Variants in ATOSA observed in about 807,000 individuals in gnomAD.
ATOSA encodes the protein atos homolog A, also known as atos homolog protein A.
At chr15:52,620,455 GCAAA>G in the ATOSA span, among the ~76,000 whole-genome samples, 2 of 152,136 alleles carry the variant, frequency 1.3e-5, no homozygotes, top group East Asian at 3.8e-4. Flanking sequence ...TAGGAAAAAA[GCAAA>G]CAAAGCAGGA....
At chr15:52,623,380 A>T in the ATOSA span, among the ~76,000 whole-genome samples, 1 of 152,130 alleles carries the variant, frequency 6.6e-6, no homozygotes, top group African/African-American at 2.4e-5. Context: ...TATACTAATT[A>T]GGAGGTTATT....
At chr15:52,643,064 C>T in the ATOSA span, among the ~76,000 whole-genome samples, 1 of 152,096 alleles carries the variant, frequency 6.6e-6, no homozygotes, top group African/African-American at 2.4e-5. Context: ...CACAAGATGC[C>T]CCACCCTCTG....
At chr15:52,596,675 A>T in the ATOSA span, among the ~76,000 whole-genome samples, 1 of 152,240 alleles carries the variant, frequency 6.6e-6, no homozygotes, top group South Asian at 2.1e-4. Flanking sequence ...GGTAGAGGCC[A>T]GAGATTCTGC....
At chr15:52,601,912 G>A in the ATOSA span, among the ~76,000 whole-genome samples, 1 of 152,154 alleles carries the variant, frequency 6.6e-6, no homozygotes, top group Non-Finnish European at 1.5e-5. Context: ...AGTTGTACAA[G>A]TGTACCATGT....
chr15:52,654,630 C>G, the ATOSA span, among the ~76,000 whole-genome samples: 1 of 152,124 alleles, frequency 6.6e-6, no homozygotes, highest in Non-Finnish European at 1.5e-5. Context: ...ATGGACAGTT[C>G]AGGAAACATA....
At chr15:52,621,994 G>A in the ATOSA span, among the ~76,000 whole-genome samples, 10 of 151,970 alleles carry the variant, frequency 6.6e-5, no homozygotes, top group South Asian at 8.3e-4. Flanking sequence ...TCACAGGTGC[G>A]CTCCACCATG....
At chr15:52,670,314 A>G in the ATOSA span, among the ~76,000 whole-genome samples, 1 of 152,208 alleles carries the variant, frequency 6.6e-6, no homozygotes, top group Non-Finnish European at 1.5e-5. Context: ...ACCCAGTGCT[A>G]GGCGTATGTT....
At chr15:52,707,386 C>G in the ATOSA span, among the ~76,000 whole-genome samples, 1 of 152,166 alleles carries the variant, frequency 6.6e-6, no homozygotes, top group Non-Finnish European at 1.5e-5. Flanking sequence ...AAATGATATT[C>G]TGAGAAGGGC....
the ATOSA span, among the ~76,000 whole-genome samples, chr15:52,662,737 T>C: frequency 7.3e-6 from 1 of 137,872 alleles, no homozygotes; most frequent in Non-Finnish European, 1.5e-5. Context: ...GCCACTGCAC[T>C]CCAGCCTGAG....
chr15:52,610,985 A>G, the ATOSA span: 4 of 926,386 alleles, frequency 4.3e-6, no homozygotes, highest in Non-Finnish European at 6.3e-6. Context: ...AAATCTCTCT[A>G]ACTTGTTTTG....
At chr15:52,609,753 G>A in the ATOSA span, 8 of 1,613,296 alleles carry the variant, frequency 5.0e-6, no homozygotes, top group East Asian at 1.8e-4. Context: ...CATGTGAAGT[G>A]CTTGGATCAC....
the ATOSA span, among the ~76,000 whole-genome samples, chr15:52,624,800 C>T: frequency 5.1e-5 from 7 of 137,246 alleles, no homozygotes; most frequent in South Asian, 4.5e-4. Flanking sequence ...TTTTTTGAGA[C>T]GGAGTCTTGT....
the ATOSA span, among the ~76,000 whole-genome samples, chr15:52,623,187 G>C: frequency 6.6e-6 from 1 of 151,590 alleles, no homozygotes; most frequent in Non-Finnish European, 1.5e-5. Context: ...AAGGTGGTCA[G>C]GGACCAGATC....
the ATOSA span, among the ~76,000 whole-genome samples, chr15:52,604,058 A>G: frequency 6.6e-6 from 1 of 152,256 alleles, no homozygotes; most frequent in Non-Finnish European, 1.5e-5. Flanking sequence ...ATTATTACAC[A>G]TTGTATGCCT....
the ATOSA span, among the ~76,000 whole-genome samples, chr15:52,683,055 A>AGGCCTCTAC: frequency 6.6e-6 from 1 of 152,216 alleles, no homozygotes; most frequent in Non-Finnish European, 1.5e-5. Context: ...TAGGGCTTAG[A>AGGCCTCTAC]AATACAAGGG....
chr15:52,650,000 T>A, the ATOSA span: 1 of 152,218 alleles, frequency 6.6e-6, no homozygotes, highest in Admixed American at 6.5e-5. Flanking sequence ...GCCTTTCTCT[T>A]GGAGGCTCTA....
chr15:52,679,787 TCCTCCTCCCCC>T, the ATOSA span, among the ~76,000 whole-genome samples: 1 of 14,822 alleles, frequency 6.7e-5, no homozygotes, highest in East Asian at 2.1e-3. Flanking sequence ...CTCCTCCTCC[TCCTCCTCCCCC>T]CTCCCCCTCC....
chr15:52,706,461 A>C, the ATOSA span, among the ~76,000 whole-genome samples: 1 of 152,216 alleles, frequency 6.6e-6, no homozygotes, highest in African/African-American at 2.4e-5. Flanking sequence ...TGGGCAAATG[A>C]ATGCAATGAT....
At chr15:52,679,817 C>G in the ATOSA span, among the ~76,000 whole-genome samples, 1 of 120,666 alleles carries the variant, frequency 8.3e-6, no homozygotes, top group Non-Finnish European at 1.7e-5. Context: ...CCTTCCCCCC[C>G]TCCTCCTCCT....
Sources: gnomAD v4.1 joint callset for allele counts (sites outside exome capture counted in the v4.1 genomes callset) on GRCh38, gnomAD v4.1.1 for gene constraint, MANE v1.5 for transcripts, NCBI Gene and HGNC (gene_info 2026-07-23, HGNC 2026-07-21) for gene names.